ERC2: variants seen among roughly 807,000 people sequenced by gnomAD.
ERC2 encodes ELKS/RAB6-interacting/CAST family member 2.
In ERC2, 42 loss-of-function variants were observed where a neutral mutation model predicts 114.8. That is an observed-to-expected ratio of 0.37 (90% confidence interval 0.29 to 0.47). ERC2 has a LOEUF of 0.47. ERC2 is among the 20% of genes least tolerant of loss of function. ERC2 has a pLI of 0.99. For synonymous variants in ERC2, 454 were observed against 425.5 expected, an observed-to-expected ratio of 1.07 and a Z score of -0.82; for missense variants, 939 against 1,150.7, an observed-to-expected ratio of 0.82 and a Z score of 2.66.
At chr3:56,422,613 G>A (rs971868852) in intron 2 of ERC2, among the ~76,000 whole-genome samples, 1 of 152,108 alleles carries the variant, frequency 6.6e-6, no homozygotes, top group Admixed American at 6.5e-5. Flanking sequence ...ATGCTGTCAG[G>A]CAACACATTG....
Position 56,330,927 on chromosome 3 carries a change from C to T in ERC2, c.658-34492G>A, listed in dbSNP as rs74407756. 8.9e-3 allele frequency among the ~76,000 whole-genome samples: 1,355 copies of T among 152,208 alleles called. 14 individuals are homozygous for T. Among genetic ancestry groups the T allele is most frequent in the African/African-American group, 0.028 (1,179 of 41,526 alleles). On this transcript the variant is annotated intron_variant, in intron 2 of 17. Coordinates refer to ENST00000288221, the MANE Select transcript of ERC2 (RefSeq NM_015576.3). ...CTTATGAGGGAGGTACTGTTCGGTCCGTTTTCCAGCAAGAGATTCAGGATC... is the reference window on the plus strand; with the variant it reads ...CTTATGAGGGAGGTACTGTTCGGTCTGTTTTCCAGCAAGAGATTCAGGATC...
rs1228722757 is a variant in ERC2 at position 56,201,850 on chromosome 3, C to G, written c.1075-28330G>C. Among the ~76,000 whole-genome samples, 6 of 152,292 alleles carry G rather than the reference C, an allele frequency of 3.9e-5. No individual in the cohort carries two copies. The East Asian group carries it at 1.2e-3, about 29-fold the overall frequency. ...TTTCTTCTTTACAACAGTAGGAGAG[C>G]AACATCTTACTATGTTTCCAGCGAA... On this transcript the variant is annotated intron_variant, in intron 3 of 17. Transcript: ENST00000288221.
Position 56,032,975 on chromosome 3 carries a change from A to C in ERC2, c.1642-13944T>G, listed in dbSNP as rs367925474. On this transcript the variant is annotated intron_variant, in intron 7 of 17. Transcript: ENST00000288221. ...AGAAAGAAACAGAAAGAAAGAAAGA[A>C]AGAGAAAGAAAGAAAGAAAGAAAGA... Among the ~76,000 whole-genome samples the C allele has an allele frequency of 9.5e-4, 68 of 71,330 alleles. 1 individual carries two copies. The highest frequency in any genetic ancestry group is 2.9e-3 in the African/African-American group (67 of 22,952). The allele number at this position is 71,330 out of a possible 152,430, so 46.8% of individuals were successfully genotyped here.
At chr3:56,244,847 C>A (rs1052784749) in intron 3 of ERC2, among the ~76,000 whole-genome samples, 21 of 152,184 alleles carry the variant, frequency 1.4e-4, no homozygotes, top group Admixed American at 1.4e-3. Flanking sequence ...ACTTCCAGTC[C>A]TGTAAACTCC....
At chr3:56,323,854 T>A (rs1193740688) in intron 2 of ERC2, among the ~76,000 whole-genome samples, 1 of 152,134 alleles carries the variant, frequency 6.6e-6, no homozygotes, top group African/African-American at 2.4e-5. Flanking sequence ...AATACCAGGG[T>A]TCACATGTCA....
intron 6 of ERC2, among the ~76,000 whole-genome samples, chr3:56,132,655 T>C (rs1283087758): frequency 7.0e-6 from 1 of 143,242 alleles, no homozygotes; most frequent in Non-Finnish European, 1.5e-5. Context: ...AGCATTTAAT[T>C]TTTTTTACTA....
intron 4 of ERC2, among the ~76,000 whole-genome samples, chr3:56,159,761 G>A (rs2081954258): frequency 6.6e-6 from 1 of 152,114 alleles, no homozygotes; most frequent in Non-Finnish European, 1.5e-5. Flanking sequence ...TGCAGTATTT[G>A]GTTTTCTGTT....
intron 15 of ERC2, among the ~76,000 whole-genome samples, chr3:55,723,994 C>T (rs923284319): frequency 3.3e-5 from 5 of 150,850 alleles, no homozygotes; most frequent in South Asian, 4.2e-4. Context: ...GAGGAAGGAA[C>T]GGAGGGAGAG....
intron 13 of ERC2, among the ~76,000 whole-genome samples, chr3:55,921,863 T>C (rs1274507963): frequency 6.6e-6 from 1 of 152,176 alleles, no homozygotes; most frequent in African/African-American, 2.4e-5. Context: ...TTCTTTCAGA[T>C]AATTTCTACT....
At chr3:56,295,789 T>A (rs1336761164) in intron 3 of ERC2, among the ~76,000 whole-genome samples, 1 of 152,212 alleles carries the variant, frequency 6.6e-6, no homozygotes, top group East Asian at 1.9e-4. Flanking sequence ...ATGTCCTGTA[T>A]ATGCTTGGAT....
intron 2 of ERC2, among the ~76,000 whole-genome samples, chr3:56,332,286 A>G (rs2057660368): frequency 6.6e-6 from 1 of 152,250 alleles, no homozygotes; most frequent in African/African-American, 2.4e-5. Flanking sequence ...CTGCCAAAGC[A>G]TCCAAGCTCA....
chr3:55,967,979 T>A (rs1444923968), intron 12 of ERC2, among the ~76,000 whole-genome samples: 1 of 152,174 alleles, frequency 6.6e-6, no homozygotes, highest in Non-Finnish European at 1.5e-5. Context: ...AGAAGTAAAC[T>A]TCTGTTCAGT....
intron 17 of ERC2, among the ~76,000 whole-genome samples, chr3:55,536,999 G>A (rs191787405): frequency 2.6e-5 from 4 of 152,322 alleles, no homozygotes; most frequent in African/African-American, 4.8e-5. Flanking sequence ...AAAGAAAAGC[G>A]TCTAGAATAT....
chr3:56,379,097 C>A (rs2059654170), intron 2 of ERC2, among the ~76,000 whole-genome samples: 1 of 152,096 alleles, frequency 6.6e-6, no homozygotes, highest in Non-Finnish European at 1.5e-5. Context: ...TGTATTAAAT[C>A]TTTTAAATCC....
chr3:55,680,590 A>T (rs1476224897), intron 17 of ERC2, among the ~76,000 whole-genome samples: 3 of 152,262 alleles, frequency 2.0e-5, no homozygotes. Context: ...GAATACAGTT[A>T]GGCCTCCAAG....
intron 17 of ERC2, among the ~76,000 whole-genome samples, chr3:55,652,371 C>T (rs776472311): frequency 7.9e-5 from 12 of 152,102 alleles, no homozygotes; most frequent in Admixed American, 2.0e-4. Flanking sequence ...CCCCCAACTA[C>T]TTGGCTGGGA....
In ERC2 at chr3:55,699,542, C is replaced by A. The variant is rs201835305; in HGVS notation, c.2713-30G>T. 13 of 1,575,368 alleles carry A rather than the reference C, an allele frequency of 8.3e-6. No homozygotes were observed. In the Admixed American group the frequency reaches 2.1e-4, roughly 25 times the overall value. On this transcript the variant is annotated intron_variant, in intron 15 of 17. Coordinates refer to ENST00000288221, the MANE Select transcript of ERC2 (RefSeq NM_015576.3). ...GCAGAACAAAAACCAAGGAAGATTCCATCAGGAGCCAGAAGATCAGTCAAA... is the reference window on the plus strand; with the variant it reads ...GCAGAACAAAAACCAAGGAAGATTCAATCAGGAGCCAGAAGATCAGTCAAA...
intron 2 of ERC2, among the ~76,000 whole-genome samples, chr3:56,321,919 A>G (rs1228262868): frequency 1.3e-5 from 2 of 152,244 alleles, no homozygotes; most frequent in African/African-American, 2.4e-5. Context: ...GAGATAAATC[A>G]TGTATTTGCA....
chr3:55,769,605 G>A (rs1490526185), intron 14 of ERC2, among the ~76,000 whole-genome samples: 15 of 152,040 alleles, frequency 9.9e-5, no homozygotes, highest in Non-Finnish European at 1.9e-4. Context: ...TGAACAATTA[G>A]AAATTTCTAT....
Sources: allele counts gnomAD v4.1 joint callset (sites outside exome capture counted in the v4.1 genomes callset), GRCh38; gene constraint gnomAD v4.1.1; transcripts MANE v1.5; gene names NCBI Gene and HGNC (gene_info 2026-07-23, HGNC 2026-07-21).